Variants in EYS observed in about 807,000 individuals in gnomAD.
The protein encoded by EYS is protein eyes shut homolog.
EYS carries 250 observed loss-of-function variants against 282.1 expected under a neutral mutation model. The observed-to-expected ratio is 0.89, with a 90% CI of 0.80 to 0.98. The LOEUF is 0.98. Among genes scored for constraint, EYS ranks in the 50% least tolerant of loss-of-function variants. The pLI is 0.00. For synonymous variants in EYS, 1,355 were observed against 1,282.9 expected, an observed-to-expected ratio of 1.06 and a Z score of -1.20; for missense variants, 4,016 against 3,709.0, an observed-to-expected ratio of 1.08 and a Z score of -2.15.
At chr6:65,350,940 C>A (rs1198402096) in intron 9 of EYS, among the ~76,000 whole-genome samples, 1 of 151,586 alleles carries the variant, frequency 6.6e-6, no homozygotes, top group Non-Finnish European at 1.5e-5. Flanking sequence ...TTAATGCACC[C>A]CATGCAAAAT....
At chr6:65,115,966 A>ATC (rs1554154790) in intron 12 of EYS, among the ~76,000 whole-genome samples, 13,714 of 144,924 alleles carry the variant, frequency 0.095, 846 homozygotes, top group African/African-American at 0.18. Context: ...CTGTCTATCT[A>ATC]ATCTATCTAT....
intron 21 of EYS, among the ~76,000 whole-genome samples, chr6:64,817,108 C>T (rs540356354): frequency 3.3e-5 from 5 of 152,014 alleles, no homozygotes; most frequent in African/African-American, 7.2e-5. Context: ...TAAAGGATAT[C>T]GATATTCTCT....
At chr6:64,917,238 G>T (rs1185898534) in intron 15 of EYS, among the ~76,000 whole-genome samples, 1 of 127,052 alleles carries the variant, frequency 7.9e-6, no homozygotes, top group African/African-American at 3.2e-5. Flanking sequence ...GACAGAGCGA[G>T]ACTTAGTCTC....
intron 5 of EYS, among the ~76,000 whole-genome samples, chr6:65,469,148 C>A (rs962201142): frequency 6.6e-6 from 1 of 151,966 alleles, no homozygotes; most frequent in African/African-American, 2.4e-5. Context: ...TACATCCATT[C>A]CTTTTCTGAA....
chr6:65,196,838 T>A (rs1333821041), intron 12 of EYS, among the ~76,000 whole-genome samples: 3 of 152,036 alleles, frequency 2.0e-5, no homozygotes, highest in Non-Finnish European at 4.4e-5. Context: ...TTGCGAACGT[T>A]TTCCATTAAG....
At chr6:64,213,365 G>C (rs1292701533) in intron 31 of EYS, among the ~76,000 whole-genome samples, 1 of 152,110 alleles carries the variant, frequency 6.6e-6, no homozygotes, top group Non-Finnish European at 1.5e-5. Context: ...CTGCTTTAGT[G>C]ATAGATGAAA....
chr6:64,767,520 A>G (rs1773389517), intron 22 of EYS, among the ~76,000 whole-genome samples: 2 of 151,904 alleles, frequency 1.3e-5, no homozygotes, highest in Admixed American at 1.3e-4. Context: ...TCATATATGA[A>G]TGAGAACATG....
chr6:64,299,104 A>C (rs981497682), intron 30 of EYS, among the ~76,000 whole-genome samples: 1 of 152,184 alleles, frequency 6.6e-6, no homozygotes, highest in African/African-American at 2.4e-5. Context: ...TTATGGGTGA[A>C]GGCAGCCTAA....
intron 12 of EYS, among the ~76,000 whole-genome samples, chr6:65,259,247 C>T (rs1034287011): frequency 4.6e-5 from 7 of 152,006 alleles, no homozygotes; most frequent in African/African-American, 4.8e-5. Flanking sequence ...TTGCTCCACC[C>T]ATGTCCTCTT....
intron 2 of EYS, among the ~76,000 whole-genome samples, chr6:65,503,496 C>A (rs776002512): frequency 6.6e-6 from 1 of 151,468 alleles, no homozygotes; most frequent in Admixed American, 6.6e-5. Flanking sequence ...ATTATGCTTT[C>A]GGTGTTGTAT....
At chr6:65,377,967 C>A (rs1002266953) in intron 8 of EYS, among the ~76,000 whole-genome samples, 1 of 152,034 alleles carries the variant, frequency 6.6e-6, no homozygotes, top group African/African-American at 2.4e-5. Flanking sequence ...CTGAATTCTA[C>A]CAGAGGTACA....
intron 2 of EYS, among the ~76,000 whole-genome samples, chr6:65,622,047 A>G (rs1218171568): frequency 6.6e-6 from 1 of 152,156 alleles, no homozygotes; most frequent in Non-Finnish European, 1.5e-5. Flanking sequence ...CAAGACAGAG[A>G]TGTCTATAAA....
chr6:65,377,903 C>A (rs1302962499), intron 8 of EYS, among the ~76,000 whole-genome samples: 2 of 152,058 alleles, frequency 1.3e-5, no homozygotes, highest in Non-Finnish European at 2.9e-5. Context: ...GAAATTGAGG[C>A]ATTAATTAAT....
chr6:64,006,468 A>G (rs1358418949), intron 33 of EYS, among the ~76,000 whole-genome samples: 1 of 152,078 alleles, frequency 6.6e-6, no homozygotes, highest in East Asian at 1.9e-4. Context: ...TCTTACTTGG[A>G]TGACTTTTAT....
chr6:65,087,334 T>G (rs1774413537), intron 12 of EYS, among the ~76,000 whole-genome samples: 1 of 152,124 alleles, frequency 6.6e-6, no homozygotes, highest in Non-Finnish European at 1.5e-5. Flanking sequence ...AAATGACTAT[T>G]TTGTTTAGGC....
At position 64,593,291 on chromosome 6, in the gene EYS, G is replaced by T; in HGVS notation, c.3703C>A (p.Leu1235Ile). ...PGFMTCSIGL[L>I]CGDEIRRITC... is the part of the protein sequence containing the mutation. ...ATTCTCCTTATTTCATCACCACAAA[G>T]AAGCCCAATGGAGCAGGTCTGCAAA... Residue 1235 changes from leucine (L) to isoleucine (I), a missense_variant, in exon 25 of 43, where the codon CTT becomes ATT. Leu to Ile is a conservative substitution (Grantham distance 5). Coordinates refer to ENST00000503581, the MANE Select transcript of EYS (RefSeq NM_001142800.2). 6.5e-7 allele frequency: 1 copy of T among 1,550,150 alleles called. No homozygotes were observed. The highest frequency in any genetic ancestry group is 8.7e-7 in the Non-Finnish European group (1 of 1,146,132).
At chr6:63,898,150 T>A (rs986802350) in intron 35 of EYS, among the ~76,000 whole-genome samples, 10 of 152,198 alleles carry the variant, frequency 6.6e-5, no homozygotes, top group African/African-American at 2.4e-4. Flanking sequence ...TGTAGTGATA[T>A]TTGGGTTTTT....
At chr6:65,615,158 A>G (rs1317063651) in intron 2 of EYS, among the ~76,000 whole-genome samples, 1 of 152,156 alleles carries the variant, frequency 6.6e-6, no homozygotes, top group East Asian at 1.9e-4. Context: ...TTATTTTAAA[A>G]TACTTTGCAA....
At chr6:65,260,978 G>T (rs1767605071) in intron 12 of EYS, among the ~76,000 whole-genome samples, 1 of 151,882 alleles carries the variant, frequency 6.6e-6, no homozygotes, top group Admixed American at 6.6e-5. Flanking sequence ...AAACCTAAAA[G>T]CTTTTACTTA....
Sources: gnomAD v4.1 joint callset for allele counts (sites outside exome capture counted in the v4.1 genomes callset) on GRCh38, gnomAD v4.1.1 for gene constraint, MANE v1.5 for transcripts, NCBI Gene and HGNC (gene_info 2026-07-23, HGNC 2026-07-21) for gene names.